Variants in RIMBP2 observed in about 807,000 individuals in gnomAD.
The protein encoded by RIMBP2 is RIMS binding protein 2, also known as RIMS-binding protein 2.
Under a neutral mutation model 118.6 loss-of-function variants are expected in RIMBP2, and 48 were observed. The observed-to-expected ratio is 0.40, with a 90% confidence interval of 0.32 to 0.51. The LOEUF is 0.51. Among genes scored for constraint, RIMBP2 ranks in the 20% least tolerant of loss-of-function variants. The pLI, the probability that RIMBP2 is intolerant of heterozygous loss-of-function variation, is 0.41. For synonymous variants in RIMBP2, 762 were observed against 742.9 expected, an observed-to-expected ratio of 1.03 and a Z score of -0.42; for missense variants, 1,551 against 1,768.3, an observed-to-expected ratio of 0.88 and a Z score of 2.20.
chr12:130,405,060 A>G lies in RIMBP2; in HGVS notation c.3765+1112T>C, dbSNP rs527350970. ...ACTTGAGATTTACATGTGGAAAGTG[A>G]AACTATAAAATTGAAACAAAATGAG... On this transcript the variant is annotated intron_variant, in intron 21 of 22. Coordinates refer to ENST00000690449, the MANE Select transcript of RIMBP2 (RefSeq NM_001393629.1). 6.6e-5 allele frequency among the ~76,000 whole-genome samples: 10 copies of G among 152,326 alleles called. No individual in the cohort carries two copies. The South Asian group carries it at 2.1e-3, about 32-fold the overall frequency.
In RIMBP2 at chr12:130,671,431, T is replaced by C. The variant is rs571781299; in HGVS notation, c.-351-42975A>G. ...TCCCTTATTGCACAAACTAAAATTATCTCATTATTGACTGTCTGCCTCCTC... is the reference window on the plus strand; with the variant it reads ...TCCCTTATTGCACAAACTAAAATTACCTCATTATTGACTGTCTGCCTCCTC... On this transcript the variant is annotated intron_variant, in intron 1 of 22. Coordinates refer to ENST00000690449, the MANE Select transcript of RIMBP2 (RefSeq NM_001393629.1). 1.3e-5 allele frequency among the ~76,000 whole-genome samples: 2 copies of C among 152,288 alleles called. 1 individual carries two copies. Among genetic ancestry groups the C allele is most frequent in the East Asian group, 3.9e-4 (2 of 5,174 alleles).
chr12:130,595,431 G>T (rs1029744983), intron 2 of RIMBP2, among the ~76,000 whole-genome samples: 1 of 152,008 alleles, frequency 6.6e-6, no homozygotes, highest in South Asian at 2.1e-4. Flanking sequence ...GGTGGCGGGC[G>T]CCTGTAGTCC....
intron 2 of RIMBP2, among the ~76,000 whole-genome samples, chr12:130,618,711 C>A (rs34962571): frequency 0.067 from 10,123 of 152,178 alleles, 437 homozygotes; most frequent in Non-Finnish European, 0.095. Context: ...AGTGCCTAGA[C>A]GGAAACATCT....
intron 1 of RIMBP2, among the ~76,000 whole-genome samples, chr12:130,660,883 A>G (rs2063630857): frequency 6.6e-6 from 1 of 152,178 alleles, no homozygotes; most frequent in African/African-American, 2.4e-5. Flanking sequence ...TTGTATTCAG[A>G]CACACCACCC....
At chr12:130,432,668 A>G (rs1275209835) in intron 14 of RIMBP2, among the ~76,000 whole-genome samples, 1 of 152,222 alleles carries the variant, frequency 6.6e-6, no homozygotes, top group Non-Finnish European at 1.5e-5. Flanking sequence ...GTGAGGACTC[A>G]GGGAGAAGGC....
intron 12 of RIMBP2, 31 bp downstream of exon 12, chr12:130,438,334 A>AGCCCCCCCCCCCCC: frequency 1.5e-6 from 2 of 1,344,518 alleles, no homozygotes; most frequent in Non-Finnish European, 2.1e-6. Context: ...GGGCCTAACA[A>AGCCCCCCCCCCCCC]ACCCTCCCCA....
intron 2 of RIMBP2, among the ~76,000 whole-genome samples, chr12:130,574,977 C>CGGCAGTAGCCTACA: frequency 1.1e-4 from 14 of 129,534 alleles, no homozygotes; most frequent in African/African-American, 4.3e-4. Flanking sequence ...CCGCCACCCC[C>CGGCAGTAGCCTACA]ACCCCCAGAC....
At chr12:130,414,483 A>G in intron 17 of RIMBP2, 177 bp from the exon 18 acceptor site, 1 of 577,868 alleles carries the variant, frequency 1.7e-6, no homozygotes. Context: ...TGAATTGGAG[A>G]AGCACATAAC....
At chr12:130,565,287 G>A (rs2057130784) in intron 2 of RIMBP2, among the ~76,000 whole-genome samples, 1 of 152,120 alleles carries the variant, frequency 6.6e-6, no homozygotes, top group East Asian at 1.9e-4. Context: ...TGGAGAAATT[G>A]GAACTCAACC....
intron 2 of RIMBP2, among the ~76,000 whole-genome samples, chr12:130,619,416 T>G (rs961649436): frequency 3.9e-5 from 6 of 152,044 alleles, no homozygotes; most frequent in African/African-American, 7.3e-5. Context: ...ACTGATCACG[T>G]TATTGATTTT....
intron 1 of RIMBP2, among the ~76,000 whole-genome samples, chr12:130,699,291 C>A (rs1442265667): frequency 6.6e-6 from 1 of 152,166 alleles, no homozygotes; most frequent in Non-Finnish European, 1.5e-5. Context: ...ATGTCTATTG[C>A]GGCACTATTC....
chr12:130,483,734 G>A (rs1320054799), intron 4 of RIMBP2, among the ~76,000 whole-genome samples: 4 of 116,340 alleles, frequency 3.4e-5, no homozygotes, highest in African/African-American at 1.0e-4. Context: ...CAGAGCCCCC[G>A]TCCCCACCTA....
chr12:130,538,629 TATA>T (rs997172714), intron 2 of RIMBP2, among the ~76,000 whole-genome samples: 1 of 152,164 alleles, frequency 6.6e-6, no homozygotes, highest in Non-Finnish European at 1.5e-5. Flanking sequence ...ACCTCTGAGC[TATA>T]ATAAGCAAGT....
At chr12:130,522,311 G>A (rs1454975071) in intron 2 of RIMBP2, among the ~76,000 whole-genome samples, 2 of 152,250 alleles carry the variant, frequency 1.3e-5, no homozygotes, top group African/African-American at 4.8e-5. Flanking sequence ...CCCACAGGGA[G>A]AGCCGTGTAA....
intron 2 of RIMBP2, among the ~76,000 whole-genome samples, chr12:130,618,996 A>G (rs908664390): frequency 2.6e-5 from 4 of 152,140 alleles, no homozygotes; most frequent in African/African-American, 9.7e-5. Flanking sequence ...TAACAGCTTT[A>G]TTGCTGATGG....
intron 13 of RIMBP2, 123 bp downstream of exon 13, chr12:130,436,719 G>C: frequency 1.4e-6 from 1 of 714,986 alleles, no homozygotes; most frequent in Non-Finnish European, 2.0e-6. Context: ...GGTGGGCTGA[G>C]CGCGGCCCCC....
chr12:130,438,788 G>A (rs143034563), intron 11 of RIMBP2, among the ~76,000 whole-genome samples: 1 of 152,212 alleles, frequency 6.6e-6, no homozygotes, highest in Non-Finnish European at 1.5e-5. Flanking sequence ...TAAACTGTCT[G>A]TGGAACCACC....
At chr12:130,590,994 G>C (rs2059221379) in intron 2 of RIMBP2, among the ~76,000 whole-genome samples, 1 of 152,206 alleles carries the variant, frequency 6.6e-6, no homozygotes, top group Admixed American at 6.5e-5. Context: ...CCAACAACGA[G>C]AGCAACGCAC....
Position 130,407,745 on chromosome 12 carries a change from G to A in RIMBP2, c.3674C>T (p.Ser1225Leu), listed in dbSNP as rs868817339. ...TGGTACCTCGACATCGACGTTGGGC[G>A]AGCTTTCTCTGGGGTCGTAGTCATA... ...ALYDYDPRES[S>L]PNVDVEAELT... Residue 1225 changes from serine to leucine, a missense_variant, in exon 20 of 23, where the codon TCG becomes TTG. Coordinates refer to ENST00000690449, the MANE Select transcript of RIMBP2 (RefSeq NM_001393629.1). 4 of 1,614,032 alleles carry A rather than the reference G, an allele frequency of 2.5e-6. No individual in the cohort carries two copies. The highest frequency in any genetic ancestry group is 2.5e-6 in the Non-Finnish European group (3 of 1,179,908).
Sources: gnomAD v4.1 joint callset for allele counts (sites outside exome capture counted in the v4.1 genomes callset) on GRCh38, gnomAD v4.1.1 for gene constraint, MANE v1.5 for transcripts, NCBI Gene and HGNC (gene_info 2026-07-23, HGNC 2026-07-21) for gene names.